Variants in DYM observed in about 807,000 individuals in gnomAD.
The protein encoded by DYM is dyggve-Melchior-Clausen syndrome protein.
In DYM, 78 loss-of-function variants were observed where a neutral mutation model predicts 93.1. The observed-to-expected ratio is 0.84, with a 90% CI of 0.70 to 1.01. DYM has a LOEUF of 1.01. Ranked by LOEUF, DYM falls within the 50% of genes least tolerant of loss-of-function variation. The pLI, the probability that DYM is intolerant of heterozygous loss-of-function variation, is 0.00. For synonymous variants in DYM, 321 were observed against 319.7 expected, an observed-to-expected ratio of 1.00 and a Z score of -0.04; for missense variants, 789 against 845.0, an observed-to-expected ratio of 0.93 and a Z score of 0.82.
chr18:49,215,789 A>T lies in DYM; in HGVS notation c.1461-6074T>A, dbSNP rs548424813. Among the ~76,000 whole-genome samples the T allele has an allele frequency of 2.3e-4, 35 of 152,370 alleles. No individual in the cohort carries two copies. In the East Asian group the frequency reaches 6.4e-3, roughly 28 times the overall value. On this transcript the variant is annotated intron_variant, in intron 13 of 17. Coordinates refer to ENST00000675505, the MANE Select transcript of DYM (RefSeq NM_001353214.3). Reference sequence around the variant, plus strand: ...CTGGCAGCCAAGATGGCCGAATAGGAACAGCTCCGGTCTACAGCTCCCAGA... The same window carrying T: ...CTGGCAGCCAAGATGGCCGAATAGGTACAGCTCCGGTCTACAGCTCCCAGA...
intron 2 of DYM, among the ~76,000 whole-genome samples, chr18:49,419,368 A>AAAAAT (rs371845180): frequency 4.6e-5 from 7 of 152,160 alleles, no homozygotes; most frequent in South Asian, 2.1e-4. Context: ...CAAAAATTAA[A>AAAAAT]AAAATAAAAT....
At chr18:49,139,522 G>A (rs2084224428) in intron 15 of DYM, among the ~76,000 whole-genome samples, 2 of 152,248 alleles carry the variant, frequency 1.3e-5, no homozygotes, top group African/African-American at 4.8e-5. Context: ...CAACTAAAAT[G>A]TAATGGATAT....
chr18:49,348,637 G>T (rs374053573), intron 6 of DYM, among the ~76,000 whole-genome samples: 1 of 151,728 alleles, frequency 6.6e-6, no homozygotes, highest in South Asian at 2.1e-4. Context: ...GGCCGAGTGC[G>T]GTGGCTCACG....
chr18:49,199,803 A>T (rs1476237564), intron 14 of DYM, among the ~76,000 whole-genome samples: 2 of 152,206 alleles, frequency 1.3e-5, no homozygotes, highest in Non-Finnish European at 2.9e-5. Context: ...TTAGATTTAG[A>T]CTGAAGATGC....
At chr18:49,376,573 T>C (rs1420148422) in intron 5 of DYM, among the ~76,000 whole-genome samples, 1 of 152,242 alleles carries the variant, frequency 6.6e-6, no homozygotes, top group African/African-American at 2.4e-5. Flanking sequence ...TGCTAAATGT[T>C]CTGCATGCCT....
At chr18:49,080,084 C>T (rs2077694100) in intron 17 of DYM, among the ~76,000 whole-genome samples, 2 of 126,520 alleles carry the variant, frequency 1.6e-5, no homozygotes, top group South Asian at 2.6e-4. Flanking sequence ...CCTCACCTCC[C>T]GGACGGGGCG....
chr18:49,112,110 C>CCCACCTCCTCT, intron 16 of DYM, among the ~76,000 whole-genome samples: 1 of 152,054 alleles, frequency 6.6e-6, no homozygotes, highest in Non-Finnish European at 1.5e-5. Flanking sequence ...TGCCTCTGCA[C>CCCACCTCCTCT]CCGCCTCCTC....
chr18:49,062,256 T>A (rs2076041846), intron 17 of DYM, among the ~76,000 whole-genome samples: 1 of 152,226 alleles, frequency 6.6e-6, no homozygotes, highest in African/African-American at 2.4e-5. Context: ...AATCTGATTG[T>A]CAGCCCTATA....
At chr18:49,371,272 G>A (rs1463440478) in intron 5 of DYM, among the ~76,000 whole-genome samples, 1 of 152,192 alleles carries the variant, frequency 6.6e-6, no homozygotes, top group Non-Finnish European at 1.5e-5. Flanking sequence ...GGCCAAGGCA[G>A]GAGGATTGCT....
chr18:49,172,115 T>C (rs991893279), intron 14 of DYM, among the ~76,000 whole-genome samples: 1 of 152,208 alleles, frequency 6.6e-6, no homozygotes, highest in African/African-American at 2.4e-5. Flanking sequence ...TTTCTGCAAA[T>C]AGAATTATAC....
At chr18:49,254,262 G>A (rs1452597451) in intron 13 of DYM, among the ~76,000 whole-genome samples, 2 of 144,386 alleles carry the variant, frequency 1.4e-5, no homozygotes, top group Admixed American at 7.0e-5. Context: ...ACATTCTGCT[G>A]TATAAAAGAT....
At chr18:49,174,322 T>C (rs1022434151) in intron 14 of DYM, among the ~76,000 whole-genome samples, 3 of 152,246 alleles carry the variant, frequency 2.0e-5, no homozygotes, top group Admixed American at 2.0e-4. Context: ...TAACTAAATA[T>C]ACAGCTCCTT....
intron 8 of DYM, among the ~76,000 whole-genome samples, chr18:49,316,147 C>T (rs985444899): frequency 2.0e-4 from 30 of 151,816 alleles, no homozygotes; most frequent in Non-Finnish European, 3.1e-4. Flanking sequence ...CCGGGCGTGG[C>T]GGCGCATGCC....
chr18:49,363,205 T>A lies in DYM; in HGVS notation c.450A>T (p.Glu150Asp). The A allele has an allele frequency of 6.2e-7, 1 of 1,614,006 alleles. No homozygotes were observed. Among genetic ancestry groups the A allele is most frequent in the Non-Finnish European group, 8.5e-7 (1 of 1,179,928 alleles). ...YSSDSEDLLE[E>D]LLCCLMQLIT... Reference sequence around the variant, plus strand: ...TCAACTGCATCAAACAGCACAGCAATTCTTCCAAAAGATCTTCTGAGTCAG... The same window carrying A: ...TCAACTGCATCAAACAGCACAGCAAATCTTCCAAAAGATCTTCTGAGTCAG... The change falls in exon 6 of 18, where the codon GAA becomes GAT. Residue 150 changes from glutamate to aspartate, a missense_variant. This residue lies in a region of DYM where 450 missense variants were observed against 436.2 expected (regional missense o/e 1.03). Coordinates refer to ENST00000675505, the MANE Select transcript of DYM (RefSeq NM_001353214.3).
chr18:49,304,305 C>A (rs574546888), intron 8 of DYM, among the ~76,000 whole-genome samples: 55 of 152,276 alleles, frequency 3.6e-4, no homozygotes, highest in African/African-American at 1.3e-3. Flanking sequence ...GGCCAGGAGG[C>A]CAACAGCCTT....
At chr18:49,344,679 T>C (rs963295023) in intron 6 of DYM, among the ~76,000 whole-genome samples, 1 of 151,838 alleles carries the variant, frequency 6.6e-6, no homozygotes, top group African/African-American at 2.4e-5. Context: ...ATACATATAG[T>C]AGGACAACTG....
chr18:49,111,485 T>C (rs767221151), intron 16 of DYM, among the ~76,000 whole-genome samples: 1 of 152,158 alleles, frequency 6.6e-6, no homozygotes, highest in African/African-American at 2.4e-5. Context: ...CTGACAGAAA[T>C]ACTATTTATG....
chr18:49,404,773 A>G (rs1206841546), intron 2 of DYM, among the ~76,000 whole-genome samples: 2 of 152,152 alleles, frequency 1.3e-5, no homozygotes, highest in Non-Finnish European at 2.9e-5. Flanking sequence ...TAATCCCAGC[A>G]TTTTGGGAGG....
intron 13 of DYM, among the ~76,000 whole-genome samples, chr18:49,217,114 C>G (rs902723234): frequency 1.3e-5 from 2 of 152,120 alleles, no homozygotes; most frequent in Admixed American, 6.5e-5. Context: ...AATGCAGAAG[C>G]CTCAGGAGCC....
Sources: allele counts gnomAD v4.1 joint callset (sites outside exome capture counted in the v4.1 genomes callset), GRCh38; gene constraint gnomAD v4.1.1; regional missense constraint gnomAD v4.1.1; transcripts MANE v1.5; gene names NCBI Gene and HGNC (gene_info 2026-07-23, HGNC 2026-07-21).